XKR9: variants seen among roughly 807,000 people sequenced by gnomAD.
XKR9 encodes XK related 9.
A neutral mutation model predicts 32.0 loss-of-function variants in XKR9; 32 were observed. The ratio of observed to expected loss-of-function variants is 1.00; its 90% CI spans 0.76 to 1.34. XKR9 has a LOEUF of 1.34. XKR9 is among the 40% of genes most tolerant of loss of function. XKR9 has a pLI of 0.00. For synonymous variants in XKR9, 168 were observed against 143.4 expected (o/e 1.17, Z -1.22); for missense variants, 546 against 429.7 (o/e 1.27, Z -2.39).
the XKR9 span, among the ~76,000 whole-genome samples, chr8:71,020,443 A>T: frequency 2.0e-5 from 3 of 152,228 alleles, no homozygotes; most frequent in African/African-American, 7.2e-5. Context: ...AGCATTCTTT[A>T]AAAATAATTT....
At chr8:70,887,475 G>A in the XKR9 span, among the ~76,000 whole-genome samples, 1 of 152,018 alleles carries the variant, frequency 6.6e-6, no homozygotes, top group African/African-American at 2.4e-5. Flanking sequence ...CTCAATGGTA[G>A]CTTGATGGGA....
Position 70,728,862 on chromosome 8 carries a change from C to T in XKR9, c.494-4934C>T, listed in dbSNP as rs748355363. ...GTGAACTCTGTTCCATAAGGAATCT[C>T]GGATAAGATATTTTAAAGCCGAGCA... On this transcript the variant is annotated intron_variant, in intron 4 of 4. Coordinates refer to ENST00000408926, the MANE Select transcript of XKR9 (RefSeq NM_001011720.2). Among the ~76,000 whole-genome samples, 8 of 152,238 alleles carry T rather than the reference C, an allele frequency of 5.3e-5. No individual in the cohort carries two copies. The South Asian group carries it at 8.3e-4, about 16-fold the overall frequency.
chr8:70,867,233 A>G, the XKR9 span, among the ~76,000 whole-genome samples: 3 of 152,140 alleles, frequency 2.0e-5, no homozygotes, highest in Non-Finnish European at 4.4e-5. Flanking sequence ...AGATCTCATG[A>G]GACTTATTCA....
intron 4 of XKR9, among the ~76,000 whole-genome samples, chr8:70,721,650 C>A (rs564894123): frequency 3.3e-5 from 5 of 152,292 alleles, no homozygotes; most frequent in Admixed American, 1.3e-4. Flanking sequence ...AATTTGATTG[C>A]ACTATGGTCT....
At chr8:70,755,748 G>T (rs111678999) in intron 2 of XKR9, among the ~76,000 whole-genome samples, 42,211 of 135,670 alleles carry the variant, frequency 0.31, 7,930 homozygotes, top group Non-Finnish European at 0.43. Flanking sequence ...ACCACACTCT[G>T]GTGACTGTTG....
the XKR9 span, among the ~76,000 whole-genome samples, chr8:70,914,456 C>T: frequency 6.6e-6 from 1 of 152,142 alleles, no homozygotes; most frequent in Non-Finnish European, 1.5e-5. Context: ...GTAATATCTT[C>T]TTGTGGCTTT....
At chr8:70,740,834 C>G (rs186351890), downstream of XKR9, among the ~76,000 whole-genome samples, 169 of 152,338 alleles carry the variant, frequency 1.1e-3, 2 homozygotes, top group African/African-American at 3.8e-3. Context: ...AAAGTTTTGT[C>G]TCAGAGGAGT....
At chr8:70,763,154 T>A (rs948444496) in intron 2 of XKR9, among the ~76,000 whole-genome samples, 1 of 144,470 alleles carries the variant, frequency 6.9e-6, no homozygotes, top group Non-Finnish European at 1.6e-5. Flanking sequence ...AACTGTGGAC[T>A]ATAAAATGGA....
In XKR9 at chr8:70,752,579, C is replaced by G. The variant is rs538009589; in HGVS notation, n.353-36760C>G. ...CATTAATCCCCCTTAATGACCTAAT[C>G]ACCTCTTAAAGTCACAAGCTCCCAA... On this transcript the variant is annotated intron_variant and non_coding_transcript_variant, in intron 2 of 3. Transcript: ENST00000520273. 3.3e-5 allele frequency among the ~76,000 whole-genome samples: 5 copies of G among 152,262 alleles called. No homozygotes were observed. The South Asian group carries it at 1.0e-3, about 32-fold the overall frequency.
the XKR9 span, among the ~76,000 whole-genome samples, chr8:70,942,588 C>T: frequency 2.6e-5 from 4 of 152,084 alleles, no homozygotes; most frequent in African/African-American, 9.7e-5. Context: ...GTTTCACTTA[C>T]GAGTGCCAAT....
chr8:71,028,137 T>G, the XKR9 span, among the ~76,000 whole-genome samples: 593 of 152,330 alleles, frequency 3.9e-3, 4 homozygotes, highest in Non-Finnish European at 5.9e-3. Flanking sequence ...GCATTGAAAC[T>G]GTAGATCACC....
chr8:71,007,026 T>G, the XKR9 span, among the ~76,000 whole-genome samples: 2 of 152,200 alleles, frequency 1.3e-5, no homozygotes, highest in African/African-American at 2.4e-5. Flanking sequence ...CGTGTTATAA[T>G]CAGAGAGGTT....
At chr8:70,687,312 CTCTTTCTTTCTTTCTTTCTTTCTT>C (rs57039682) in intron 3 of XKR9, among the ~76,000 whole-genome samples, 13 of 138,252 alleles carry the variant, frequency 9.4e-5, no homozygotes, top group African/African-American at 2.5e-4. Flanking sequence ...TCTCTCCTCC[CTCTTTCTTTCTTTCTTTCTTTCTT>C]TCTTTCTTTC....
At chr8:70,798,798 A>C in the XKR9 span, among the ~76,000 whole-genome samples, 1 of 152,212 alleles carries the variant, frequency 6.6e-6, no homozygotes, top group Non-Finnish European at 1.5e-5. Context: ...CATTTATTGA[A>C]TAGGGAGTCC....
the XKR9 span, among the ~76,000 whole-genome samples, chr8:70,807,889 A>G: frequency 6.6e-6 from 1 of 152,200 alleles, no homozygotes; most frequent in Non-Finnish European, 1.5e-5. Flanking sequence ...TCAGGACTTG[A>G]ACTCAGCTCT....
the XKR9 span, among the ~76,000 whole-genome samples, chr8:71,035,205 C>T: frequency 6.6e-6 from 1 of 152,150 alleles, no homozygotes; most frequent in Non-Finnish European, 1.5e-5. Flanking sequence ...ATTAAACCAT[C>T]GACATGTACA....
chr8:70,903,957 G>A, the XKR9 span, among the ~76,000 whole-genome samples: 1 of 152,106 alleles, frequency 6.6e-6, no homozygotes, highest in Non-Finnish European at 1.5e-5. Flanking sequence ...TTTTGAGTGA[G>A]TTTCTTAATC....
intron 3 of XKR9, among the ~76,000 whole-genome samples, chr8:70,704,484 C>T (rs978216865): frequency 1.1e-4 from 16 of 152,150 alleles, no homozygotes; most frequent in Admixed American, 3.3e-4. Context: ...ATTTAATTCT[C>T]ACATCAACCC....
intron 2 of XKR9, among the ~76,000 whole-genome samples, chr8:70,675,509 T>C (rs556630651): frequency 1.1e-4 from 16 of 152,242 alleles, no homozygotes; most frequent in Non-Finnish European, 1.8e-4. Flanking sequence ...ATGCTCTGCT[T>C]CCTGTTTAAA....
Sources: allele counts gnomAD v4.1 joint callset (sites outside exome capture counted in the v4.1 genomes callset), GRCh38; gene constraint gnomAD v4.1.1; transcripts MANE v1.5; gene names NCBI Gene and HGNC (gene_info 2026-07-23, HGNC 2026-07-21).